Variants in ATP7B observed in about 807,000 individuals in gnomAD.
ATP7B encodes the protein copper-transporting ATPase 2.
In ATP7B, 113 loss-of-function variants were observed where a neutral mutation model predicts 118.9. The observed-to-expected ratio is 0.95, with a 90% CI of 0.82 to 1.11. The LOEUF (loss-of-function observed/expected upper bound fraction) is 1.11, where lower values mean the gene tolerates loss of function less well. Ranked by LOEUF, ATP7B falls within the 50% of genes most tolerant of loss-of-function variation. The pLI, the probability that ATP7B is intolerant of heterozygous loss-of-function variation, is 0.00. For synonymous variants in ATP7B, 777 were observed against 727.4 expected (o/e 1.07, Z -1.10); for missense variants, 1,867 against 1,871.4 (o/e 1.00, Z 0.04).
chr13:51,950,524 G>C, intron 9 of ATP7B, 125 bp from the exon 10 acceptor site: 1 of 1,400,314 alleles, frequency 7.1e-7, no homozygotes, highest in Admixed American at 1.8e-5. Flanking sequence ...CATTTGATCT[G>C]TTCATTTACA....
At chr13:52,003,772 C>A (rs1403981212) in intron 1 of ATP7B, among the ~76,000 whole-genome samples, 1 of 152,364 alleles carries the variant, frequency 6.6e-6, no homozygotes, top group East Asian at 1.9e-4. Context: ...CTGGAGCAGG[C>A]AGCTGTTCCT....
At chr13:51,966,674 C>A in intron 4 of ATP7B, 3 of 1,304,926 alleles carry the variant, frequency 2.3e-6, no homozygotes. Context: ...AAAAAGAACA[C>A]TACAGACACA....
At position 51,957,576 on chromosome 13, in the gene ATP7B, A is replaced by T; in HGVS notation, c.2387T>A (p.Met796Lys). Reference sequence around the variant, plus strand: ...GGTGGCTTCTGTGGCTTGGAGAGACATGAGTTTAGCCAGGGCTTCTGAGGT... The same window carrying T: ...GGTGGCTTCTGTGGCTTGGAGAGACTTGAGTTTAGCCAGGGCTTCTGAGGT... Reference protein sequence around the residue: ...SKTSEALAKLMSLQATEATVV... With the variant: ...SKTSEALAKLKSLQATEATVV... The change falls in exon 9 of 21, where the codon ATG becomes AAG. Residue 796 changes from methionine (M) to lysine (K), a missense_variant. By Grantham distance (95) the Met-to-Lys change is moderately conservative. Coordinates refer to ENST00000242839, the MANE Select transcript of ATP7B (RefSeq NM_000053.4). 1 of 1,614,220 alleles carries T rather than the reference A, an allele frequency of 6.2e-7. No homozygotes were observed. Among genetic ancestry groups the T allele is most frequent in the Non-Finnish European group, 8.5e-7 (1 of 1,179,998 alleles).
chr13:51,958,824 T>G (rs1593727962), intron 7 of ATP7B: 1 of 474,914 alleles, frequency 2.1e-6, no homozygotes. Flanking sequence ...GGGAAAAAAA[T>G]CACGACTCAT....
At chr13:51,983,593 C>T (rs1391876939) in intron 1 of ATP7B, among the ~76,000 whole-genome samples, 4 of 152,102 alleles carry the variant, frequency 2.6e-5, no homozygotes, top group Admixed American at 1.3e-4. Context: ...CAAGTGGGTC[C>T]GTGACCCCTG....
chr13:51,947,488 T>C (rs901569929), intron 12 of ATP7B, among the ~76,000 whole-genome samples: 6 of 152,228 alleles, frequency 3.9e-5, no homozygotes, highest in Non-Finnish European at 8.8e-5. Context: ...AATCAAGAGA[T>C]ACTATGTTCA....
intron 2 of ATP7B, 58 bp downstream of exon 2, chr13:51,973,877 A>G: frequency 3.1e-6 from 5 of 1,611,386 alleles, no homozygotes; most frequent in Non-Finnish European, 4.2e-6. Flanking sequence ...TCCAGGAGCT[A>G]TAAGACACAA....
rs923227127 is a variant in ATP7B at position 51,950,022 on chromosome 13, C to G, written c.2715G>C (p.Glu905Asp). ...TLAQIVKLVEEAQMSKAPIQQ... is the reference protein window; with the variant it reads ...TLAQIVKLVEDAQMSKAPIQQ... ...TCTTCATTACCTTTGACATCTGAGC[C>G]TCTTCCACCAGTTTCACAATCTGAG... The change falls in exon 11 of 21, where the codon GAG becomes GAC. Residue 905 changes from glutamate (E) to aspartate (D), a missense_variant. Physicochemically the swap from Glu to Asp is conservative, Grantham distance 45. Coordinates refer to ENST00000242839, the MANE Select transcript of ATP7B (RefSeq NM_000053.4). The G allele has an allele frequency of 2.3e-5, 37 of 1,614,100 alleles. No homozygotes were observed. Among genetic ancestry groups the G allele is most frequent in the Non-Finnish European group, 2.9e-5 (34 of 1,180,062 alleles).
In ATP7B at chr13:51,937,332, C is replaced by G. The variant is rs753330854; in HGVS notation, c.3965G>C (p.Arg1322Pro). Residue 1322 changes from arginine to proline, a missense_variant, in exon 19 of 21, where the codon CGC becomes CCC. Arg to Pro is a moderately radical substitution (Grantham distance 103, BLOSUM62 -2). Coordinates refer to ENST00000242839, the MANE Select transcript of ATP7B (RefSeq NM_000053.4). ...HLSKRTVRRI[R>P]INLVLALIYN... Reference sequence around the variant, plus strand: ...AATCAGTGCCAGGACCAGGTTGATGCGTATCCTTCGGACAGTCCTCTTGGA... The same window carrying G: ...AATCAGTGCCAGGACCAGGTTGATGGGTATCCTTCGGACAGTCCTCTTGGA... The G allele has an allele frequency of 5.0e-6, 8 of 1,614,050 alleles. No individual in the cohort carries two copies. The highest frequency in any genetic ancestry group is 6.8e-6 in the Non-Finnish European group (8 of 1,180,038).
chr13:51,981,461 T>C (rs1952414223), intron 1 of ATP7B, among the ~76,000 whole-genome samples: 1 of 152,130 alleles, frequency 6.6e-6, no homozygotes, highest in African/African-American at 2.4e-5. Context: ...AAGACACAAG[T>C]CAGAGAAGAC....
chr13:51,967,855 C>T (rs1187139262), intron 4 of ATP7B, among the ~76,000 whole-genome samples: 1 of 152,192 alleles, frequency 6.6e-6, no homozygotes, highest in Non-Finnish European at 1.5e-5. Context: ...CAGACACATC[C>T]ATTGTTTTCA....
intron 6 of ATP7B, 94 bp from the exon 7 acceptor site, chr13:51,960,416 G>T: frequency 6.8e-7 from 1 of 1,470,450 alleles, no homozygotes; most frequent in Non-Finnish European, 9.3e-7. Flanking sequence ...TTTAAGACCT[G>T]CCTTTGTCAC....
chr13:51,988,610 T>C (rs543200599), intron 1 of ATP7B, among the ~76,000 whole-genome samples: 1 of 152,158 alleles, frequency 6.6e-6, no homozygotes, highest in Admixed American at 6.5e-5. Flanking sequence ...CGCACACATA[T>C]GTTTATTGTG....
chr13:51,988,113 G>GT (rs1952746444), intron 1 of ATP7B, among the ~76,000 whole-genome samples: 1 of 151,846 alleles, frequency 6.6e-6, no homozygotes, highest in Non-Finnish European at 1.5e-5. Flanking sequence ...TCATCAGAGT[G>GT]AACAGGCAAC....
rs778732681 is a variant in ATP7B, at chr13:51,937,337, C to G, written c.3960G>C (p.Arg1320Ser). The G allele has an allele frequency of 1.2e-6, 2 of 1,614,198 alleles. No individual in the cohort carries two copies. The highest frequency in any genetic ancestry group is 4.5e-5 in the East Asian group (2 of 44,884). The change falls in exon 19 of 21, where the codon AGG becomes AGC. Residue 1320 changes from arginine to serine, a missense_variant. Coordinates refer to ENST00000242839, the MANE Select transcript of ATP7B (RefSeq NM_000053.4). ...GTGCCAGGACCAGGTTGATGCGTATCCTTCGGACAGTCCTCTTGGAAAGGT... is the reference window on the plus strand; with the variant it reads ...GTGCCAGGACCAGGTTGATGCGTATGCTTCGGACAGTCCTCTTGGAAAGGT... ...SIHLSKRTVR[R>S]IRINLVLALI...
chr13:52,003,352 G>A (rs535651530), intron 1 of ATP7B, among the ~76,000 whole-genome samples: 1 of 152,276 alleles, frequency 6.6e-6, no homozygotes, highest in Non-Finnish European at 1.5e-5. Context: ...CTGAGAGGGA[G>A]GGAGAGACAG....
At chr13:51,992,021 T>C (rs1191045469) in intron 1 of ATP7B, among the ~76,000 whole-genome samples, 1 of 152,134 alleles carries the variant, frequency 6.6e-6, no homozygotes, top group African/African-American at 2.4e-5. Flanking sequence ...AACAGATCTT[T>C]TTCCCCTCTC....
intron 4 of ATP7B, chr13:51,966,988 A>G (rs1951583876): frequency 1.2e-6 from 2 of 1,613,582 alleles, no homozygotes; most frequent in Admixed American, 3.3e-5. Flanking sequence ...TGGCAGAAAA[A>G]CACAGACTGT....
chr13:52,003,824 A>G (rs1566671597), intron 1 of ATP7B, among the ~76,000 whole-genome samples: 2 of 152,232 alleles, frequency 1.3e-5, no homozygotes, highest in Non-Finnish European at 2.9e-5. Flanking sequence ...GTGTCACCAG[A>G]GCTTCCGAGA....
Sources: gnomAD v4.1 joint callset for allele counts (sites outside exome capture counted in the v4.1 genomes callset) on GRCh38, gnomAD v4.1.1 for gene constraint, MANE v1.5 for transcripts, NCBI Gene and HGNC (gene_info 2026-07-23, HGNC 2026-07-21) for gene names.